The following SLC8A3 variants were observed in gnomAD, a reference collection of about 807,000 sequenced individuals.
SLC8A3 encodes the protein sodium/calcium exchanger 3.
In SLC8A3, 37 loss-of-function variants were observed where a neutral mutation model predicts 65.4. That is an observed-to-expected ratio of 0.57 (90% CI 0.44 to 0.74). The LOEUF (loss-of-function observed/expected upper bound fraction) is 0.74, where lower values mean the gene tolerates loss of function less well. SLC8A3 is among the 30% of genes least tolerant of loss of function. The probability of loss-of-function intolerance (pLI) is 0.00; values close to 1 mark genes in which losing one functional copy is unlikely to be tolerated. For synonymous variants in SLC8A3, 461 were observed against 444.5 expected, an observed-to-expected ratio of 1.04 and a Z score of -0.47; for missense variants, 1,112 against 1,172.1, an observed-to-expected ratio of 0.95 and a Z score of 0.75.
chr14:70,139,508 A>T (rs925350209), intron 2 of SLC8A3, among the ~76,000 whole-genome samples: 6 of 152,214 alleles, frequency 3.9e-5, no homozygotes, highest in African/African-American at 1.4e-4. Context: ...CTCGCCCAGC[A>T]GAAGGTCTGC....
At chr14:70,061,609 A>G (rs963077432) in intron 2 of SLC8A3, among the ~76,000 whole-genome samples, 1 of 152,052 alleles carries the variant, frequency 6.6e-6, no homozygotes, top group Non-Finnish European at 1.5e-5. Context: ...GAATTGTGTG[A>G]TCTTTCTCAT....
intron 2 of SLC8A3, among the ~76,000 whole-genome samples, chr14:70,067,082 C>T (rs1451415779): frequency 6.6e-6 from 1 of 152,158 alleles, no homozygotes; most frequent in Non-Finnish European, 1.5e-5. Context: ...TCATAACGTC[C>T]TCCCCTTGCT....
intron 2 of SLC8A3, among the ~76,000 whole-genome samples, chr14:70,159,863 C>G (rs1448694364): frequency 6.6e-6 from 1 of 152,158 alleles, no homozygotes; most frequent in African/African-American, 2.4e-5. Context: ...CATCTCCAAC[C>G]ACAGTGTGTC....
At chr14:70,118,230 G>T (rs1483536286) in intron 2 of SLC8A3, among the ~76,000 whole-genome samples, 1 of 152,202 alleles carries the variant, frequency 6.6e-6, no homozygotes, top group East Asian at 1.9e-4. Context: ...TGGGAAAAAT[G>T]CCAGTGTTAC....
chr14:70,121,017 A>T (rs1056648061), intron 2 of SLC8A3, among the ~76,000 whole-genome samples: 2 of 152,212 alleles, frequency 1.3e-5, no homozygotes, highest in Non-Finnish European at 2.9e-5. Flanking sequence ...ACTACTTCAC[A>T]AAGCCAAGTA....
At chr14:70,115,547 A>G (rs542016666) in intron 2 of SLC8A3, among the ~76,000 whole-genome samples, 1 of 152,324 alleles carries the variant, frequency 6.6e-6, no homozygotes, top group African/African-American at 2.4e-5. Flanking sequence ...CCTAGCACAC[A>G]GTAAGGCCTG....
At chr14:70,154,352 G>A (rs1896449519) in intron 2 of SLC8A3, among the ~76,000 whole-genome samples, 1 of 152,226 alleles carries the variant, frequency 6.6e-6, no homozygotes, top group African/African-American at 2.4e-5. Context: ...TGCACAAAGT[G>A]TAAAGTAAAA....
chr14:70,109,260 G>A (rs1285361095), intron 2 of SLC8A3, among the ~76,000 whole-genome samples: 2 of 141,164 alleles, frequency 1.4e-5, no homozygotes, highest in African/African-American at 5.3e-5. Context: ...TTGTTACATA[G>A]GTATACATGT....
intron 2 of SLC8A3, among the ~76,000 whole-genome samples, chr14:70,153,724 T>G: frequency 6.6e-6 from 1 of 152,202 alleles, no homozygotes; most frequent in East Asian, 1.9e-4. Flanking sequence ...CGCTCTCCTG[T>G]TGCTTCTGTC....
chr14:70,131,640 C>G (rs140505710), intron 2 of SLC8A3, among the ~76,000 whole-genome samples: 4 of 152,304 alleles, frequency 2.6e-5, no homozygotes, highest in African/African-American at 9.6e-5. Context: ...CCTGATTTCT[C>G]TTGTTGAAAC....
rs779601514 is a variant in SLC8A3 at position 70,166,814 on chromosome 14, C to G, written c.1609G>C (p.Asp537His). The G allele has an allele frequency of 4.3e-6, 7 of 1,613,970 alleles. No homozygotes were observed. The African/African-American group carries it at 9.3e-5, about 22-fold the overall frequency. The change falls in exon 2 of 7, where the codon GAT (aspartate) becomes CAT (histidine). Residue 537 changes from aspartate (D) to histidine (H), a missense_variant. Transcript: ENST00000356921. Reference protein sequence around the residue: ...DHAGIFTFECDTIHVSESIGV... With the variant: ...DHAGIFTFECHTIHVSESIGV... ...ATACTCTCACTGACATGAATAGTAT[C>G]ACATTCAAAAGTGAAGATGCCTGCA...
chr14:70,095,901 A>C (rs564411789), intron 2 of SLC8A3, among the ~76,000 whole-genome samples: 1 of 150,504 alleles, frequency 6.6e-6, no homozygotes, highest in Admixed American at 6.6e-5. Context: ...TTTTTCGTTG[A>C]GGTGGAATCT....
intron 2 of SLC8A3, among the ~76,000 whole-genome samples, chr14:70,160,224 C>A (rs554332234): frequency 4.7e-4 from 72 of 152,188 alleles, no homozygotes; most frequent in African/African-American, 1.7e-3. Flanking sequence ...GTGGGCGGAT[C>A]ACTTGAGGTC....
intron 2 of SLC8A3, among the ~76,000 whole-genome samples, chr14:70,062,948 T>C (rs1303321443): frequency 6.6e-6 from 1 of 152,166 alleles, no homozygotes; most frequent in Non-Finnish European, 1.5e-5. Context: ...CCCTCAGTAC[T>C]GGCAGCTCCC....
At chr14:70,137,104 T>C (rs1186414103) in intron 2 of SLC8A3, among the ~76,000 whole-genome samples, 1 of 152,162 alleles carries the variant, frequency 6.6e-6, no homozygotes, top group African/African-American at 2.4e-5. Flanking sequence ...ATGCTTTTTT[T>C]CTACTAGTTC....
chr14:70,161,155 A>AAT (rs917680332), intron 2 of SLC8A3, among the ~76,000 whole-genome samples: 9 of 146,354 alleles, frequency 6.1e-5, no homozygotes, highest in East Asian at 3.9e-4. Context: ...ATATATGTAT[A>AAT]ATATATATAT....
rs1897242155 is a variant in SLC8A3 at position 70,167,465 on chromosome 14, G to A, written c.958C>T (p.Leu320Phe). 6.2e-7 allele frequency: 1 copy of A among 1,614,150 alleles called. No homozygotes were observed. Among genetic ancestry groups the A allele is most frequent in the East Asian group, 2.2e-5 (1 of 44,880 alleles). ...DESRREMIRILKDLKQKHPEK... is the reference protein window; with the variant it reads ...DESRREMIRIFKDLKQKHPEK... ...GGGTGTTTTTGCTTCAGATCCTTGA[G>A]AATCCGGATCATCTCTCTGCGGGAC... Residue 320 changes from leucine to phenylalanine, a missense_variant, in exon 2 of 7, where the codon CTC becomes TTC. Transcript: ENST00000356921.
intron 2 of SLC8A3, among the ~76,000 whole-genome samples, chr14:70,079,310 C>T (rs1160298984): frequency 1.4e-5 from 2 of 144,718 alleles, no homozygotes; most frequent in East Asian, 4.0e-4. Flanking sequence ...ATGGTGAAAC[C>T]CTGTCTCTAC....
At chr14:70,175,103 CAGA>C (rs780405297) in intron 1 of SLC8A3, among the ~76,000 whole-genome samples, 1 of 152,176 alleles carries the variant, frequency 6.6e-6, no homozygotes, top group Non-Finnish European at 1.5e-5. Context: ...GGTACTACTA[CAGA>C]AGAAGAGAAA....
Sources: allele counts gnomAD v4.1 joint callset (sites outside exome capture counted in the v4.1 genomes callset), GRCh38; gene constraint gnomAD v4.1.1; transcripts MANE v1.5; gene names NCBI Gene and HGNC (gene_info 2026-07-23, HGNC 2026-07-21).